Variants in EPHA6 observed in about 807,000 individuals in gnomAD.
The protein encoded by EPHA6 is ephrin type-A receptor 6.
A neutral mutation model predicts 112.0 loss-of-function variants in EPHA6; 50 were observed. That is an observed-to-expected ratio of 0.45 (90% CI 0.36 to 0.56). EPHA6 has a LOEUF of 0.56. Ranked by LOEUF, EPHA6 falls within the 20% of genes least tolerant of loss-of-function variation. The pLI is 0.00. For missense variants in EPHA6, 1,280 were observed against 1,417.4 expected, an observed-to-expected ratio of 0.90 and a Z score of 1.56; for synonymous variants, 529 against 490.7, an observed-to-expected ratio of 1.08 and a Z score of -1.03.
At chr3:97,321,721 T>C (rs1490488125) in intron 5 of EPHA6, among the ~76,000 whole-genome samples, 1 of 151,992 alleles carries the variant, frequency 6.6e-6, no homozygotes, top group African/African-American at 2.4e-5. Context: ...GAATTGTGAA[T>C]AATTTAAGTG....
chr3:96,847,771 CT>C (rs767781069), intron 1 of EPHA6, among the ~76,000 whole-genome samples: 4 of 151,986 alleles, frequency 2.6e-5, no homozygotes, highest in Non-Finnish European at 5.9e-5. Context: ...TCAGTTTCCC[CT>C]ATGAAGGTAT....
Position 97,507,212 on chromosome 3 carries a change from T to A in EPHA6, c.2200+23153T>A, listed in dbSNP as rs146395025. On this transcript the variant is annotated intron_variant, in intron 10 of 17. Transcript: ENST00000389672. ...CTTCCAATACTTTGTTGAATAGGAG[T>A]GGTGAGAGAGGGCATACTTGTCTTG... 6.5e-3 allele frequency among the ~76,000 whole-genome samples: 991 copies of A among 152,130 alleles called. 12 individuals carry two copies. The highest frequency in any genetic ancestry group is 0.022 in the African/African-American group (912 of 41,490).
chr3:97,013,107 C>A (rs541297070), intron 3 of EPHA6, among the ~76,000 whole-genome samples: 1 of 151,990 alleles, frequency 6.6e-6, no homozygotes, highest in Non-Finnish European at 1.5e-5. Flanking sequence ...TTAATTAGGC[C>A]TCACTTGTCA....
chr3:97,445,044 C>T (rs977510985), intron 6 of EPHA6, among the ~76,000 whole-genome samples: 1 of 152,016 alleles, frequency 6.6e-6, no homozygotes, highest in African/African-American at 2.4e-5. Flanking sequence ...TTTGACAGTG[C>T]TCTACGTTCA....
At chr3:97,277,898 G>A (rs2080149568) in intron 5 of EPHA6, among the ~76,000 whole-genome samples, 1 of 152,066 alleles carries the variant, frequency 6.6e-6, no homozygotes, top group Admixed American at 6.5e-5. Context: ...GTACGCTGAG[G>A]CTACACTAAA....
At chr3:97,389,239 C>T (rs539587257) in intron 5 of EPHA6, among the ~76,000 whole-genome samples, 2 of 152,238 alleles carry the variant, frequency 1.3e-5, no homozygotes, top group East Asian at 1.9e-4. Flanking sequence ...AGTAGTAGTG[C>T]ATACACTCAG....
At chr3:97,184,829 A>G (rs1023580574) in intron 3 of EPHA6, among the ~76,000 whole-genome samples, 4 of 152,234 alleles carry the variant, frequency 2.6e-5, no homozygotes, top group African/African-American at 9.6e-5. Context: ...TCAAGGCTAC[A>G]GTAACCAAAA....
At chr3:97,230,970 A>G (rs530487054) in intron 4 of EPHA6, among the ~76,000 whole-genome samples, 58 of 152,246 alleles carry the variant, frequency 3.8e-4, no homozygotes, top group African/African-American at 1.3e-3. Flanking sequence ...GTAGATACAA[A>G]TTTTCCATAG....
intron 5 of EPHA6, among the ~76,000 whole-genome samples, chr3:97,361,701 CA>C (rs1308445810): frequency 6.6e-6 from 1 of 152,098 alleles, no homozygotes; most frequent in East Asian, 1.9e-4. Context: ...ATTAATCCAT[CA>C]ACCCATTAAT....
At chr3:97,096,012 A>G (rs1357310982) in intron 3 of EPHA6, among the ~76,000 whole-genome samples, 1 of 151,908 alleles carries the variant, frequency 6.6e-6, no homozygotes, top group Non-Finnish European at 1.5e-5. Flanking sequence ...AAGTTTAAGA[A>G]CCCTGTCCTA....
chr3:96,818,461 CA>C (rs1223687693), intron 1 of EPHA6, among the ~76,000 whole-genome samples: 1 of 151,928 alleles, frequency 6.6e-6, no homozygotes, highest in Admixed American at 6.6e-5. Context: ...TCCCCCCAGG[CA>C]ATTCAGTGAC....
At chr3:96,894,327 T>G (rs558559516) in intron 2 of EPHA6, among the ~76,000 whole-genome samples, 2 of 152,068 alleles carry the variant, frequency 1.3e-5, no homozygotes, top group African/African-American at 4.8e-5. Context: ...ACTTTTAAAT[T>G]TTTTGCTTAT....
intron 5 of EPHA6, among the ~76,000 whole-genome samples, chr3:97,291,486 A>G (rs920664976): frequency 4.6e-5 from 7 of 152,034 alleles, no homozygotes; most frequent in African/African-American, 1.7e-4. Context: ...AGCCAACTTG[A>G]TATTTGTTTA....
chr3:97,594,031 G>A (rs952314643), intron 12 of EPHA6, among the ~76,000 whole-genome samples: 2 of 152,148 alleles, frequency 1.3e-5, no homozygotes, highest in African/African-American at 4.8e-5. Context: ...CAAGCTCTCC[G>A]AGTTAACTGC....
intron 3 of EPHA6, among the ~76,000 whole-genome samples, chr3:97,110,778 C>G (rs1356560469): frequency 6.6e-6 from 1 of 152,020 alleles, no homozygotes; most frequent in Non-Finnish European, 1.5e-5. Flanking sequence ...ATCCACCTGC[C>G]TTGGTCTCCC....
At chr3:97,628,018 A>G (rs905567936) in intron 13 of EPHA6, among the ~76,000 whole-genome samples, 3 of 152,002 alleles carry the variant, frequency 2.0e-5, no homozygotes, top group Admixed American at 6.6e-5. Flanking sequence ...TAATATGGGA[A>G]GCCACTGTAG....
At chr3:97,390,610 AC>A (rs2086345264) in intron 5 of EPHA6, among the ~76,000 whole-genome samples, 1 of 151,970 alleles carries the variant, frequency 6.6e-6, no homozygotes, top group Non-Finnish European at 1.5e-5. Flanking sequence ...AGATAAAAAC[AC>A]AAAAATGCAC....
chr3:97,235,266 A>G (rs371164587), intron 4 of EPHA6, among the ~76,000 whole-genome samples: 4 of 152,106 alleles, frequency 2.6e-5, no homozygotes, highest in African/African-American at 9.7e-5. Context: ...TATAGTAGAC[A>G]CTAAGAACCT....
intron 8 of EPHA6, among the ~76,000 whole-genome samples, chr3:97,477,145 A>C (rs2107467782): frequency 6.6e-6 from 1 of 152,240 alleles, no homozygotes; most frequent in East Asian, 1.9e-4. Context: ...GCTTTGATAT[A>C]GCTCATCTTT....
Sources: gnomAD v4.1 joint callset for allele counts (sites outside exome capture counted in the v4.1 genomes callset) on GRCh38, gnomAD v4.1.1 for gene constraint, MANE v1.5 for transcripts, NCBI Gene and HGNC (gene_info 2026-07-23, HGNC 2026-07-21) for gene names.